Variants in AOPEP observed in about 807,000 individuals in gnomAD.
AOPEP encodes the protein aminopeptidase O (putative), also known as aminopeptidase O.
In AOPEP, 77 loss-of-function variants were observed where a neutral mutation model predicts 98.1. The observed-to-expected ratio is 0.78, with a 90% CI of 0.65 to 0.95. The LOEUF is 0.95. Among genes scored for constraint, AOPEP ranks in the 40% least tolerant of loss-of-function variants. AOPEP has a pLI of 0.00. For synonymous variants in AOPEP, 346 were observed against 365.3 expected (o/e 0.95, Z 0.60); for missense variants, 1,024 against 1,024.7 (o/e 1.00, Z 0.01).
chr9:94,988,188 G>T (rs906204460), intron 11 of AOPEP, among the ~76,000 whole-genome samples: 8 of 152,190 alleles, frequency 5.3e-5, no homozygotes, highest in Non-Finnish European at 1.2e-4. Flanking sequence ...GAGAGGACAT[G>T]CAGTGGGCTG....
intron 13 of AOPEP, among the ~76,000 whole-genome samples, chr9:95,053,707 TTTGTTG>T (rs60251468): frequency 0.79 from 118,327 of 150,732 alleles, 47,803 homozygotes; most frequent in Non-Finnish European, 0.89. Flanking sequence ...TTAATTCATT[TTTGTTG>T]TTGTTGTTGT....
chr9:95,044,941 G>T (rs539004980), intron 13 of AOPEP, among the ~76,000 whole-genome samples: 30 of 152,030 alleles, frequency 2.0e-4, no homozygotes, highest in Non-Finnish European at 3.7e-4. Flanking sequence ...GTCCCTCTCG[G>T]CACACATCTC....
chr9:95,034,212 A>G (rs1219276170), intron 13 of AOPEP, among the ~76,000 whole-genome samples: 2 of 152,206 alleles, frequency 1.3e-5, no homozygotes, highest in African/African-American at 4.8e-5. Flanking sequence ...GCTTGAAGCC[A>G]AGATGTAGGT....
rs1588082234 is a variant in AOPEP, at chr9:94,759,689, C to A, written c.-95C>A. The A allele has an allele frequency of 2.0e-6, 2 of 986,474 alleles. No individual in the cohort carries two copies. The highest frequency in any genetic ancestry group is 2.5e-5 in the East Asian group (1 of 39,334). The allele number at this position is 986,474 out of a possible 1,614,324, so 61.1% of individuals were successfully genotyped here. On this transcript the variant is annotated 5_prime_UTR_variant, in exon 2 of 17. Coordinates refer to ENST00000375315, the MANE Select transcript of AOPEP (RefSeq NM_001193329.3). ...CATAATTTGTGACATCAGTTGTTTT[C>A]TTTGATAAGCAGCTATTTATGATTC...
intron 7 of AOPEP, among the ~76,000 whole-genome samples, chr9:94,954,892 C>T (rs1176858625): frequency 6.6e-6 from 1 of 152,138 alleles, no homozygotes; most frequent in African/African-American, 2.4e-5. Context: ...GGTATACGTT[C>T]TTAGATAATT....
At chr9:94,979,633 C>G in intron 11 of AOPEP, among the ~76,000 whole-genome samples, 1 of 152,162 alleles carries the variant, frequency 6.6e-6, no homozygotes, top group East Asian at 1.9e-4. Flanking sequence ...TTCAAGTGAC[C>G]GTGGTATACG....
chr9:94,974,247 C>T (rs974117184), intron 10 of AOPEP, among the ~76,000 whole-genome samples: 4 of 152,188 alleles, frequency 2.6e-5, no homozygotes, highest in Non-Finnish European at 5.9e-5. Flanking sequence ...ATCTTTCTCT[C>T]ATAATTTAAC....
intron 5 of AOPEP, among the ~76,000 whole-genome samples, chr9:94,892,944 C>A (rs1467344547): frequency 6.6e-6 from 1 of 152,198 alleles, no homozygotes; most frequent in Non-Finnish European, 1.5e-5. Flanking sequence ...CTTCCCACTT[C>A]AGCCTCCCAA....
At chr9:95,090,051 A>T (rs935217153), downstream of AOPEP, among the ~76,000 whole-genome samples, 12 of 152,070 alleles carry the variant, frequency 7.9e-5, no homozygotes, top group African/African-American at 2.7e-4. Context: ...GGGATGGGGG[A>T]GCCCCATGGC....
intron 6 of AOPEP, among the ~76,000 whole-genome samples, chr9:94,925,624 C>T (rs1476363081): frequency 6.6e-6 from 1 of 152,110 alleles, no homozygotes; most frequent in Non-Finnish European, 1.5e-5. Flanking sequence ...TGGACTATAC[C>T]TGCTTTAAAT....
rs373331173 is a variant in AOPEP at position 94,804,378 on chromosome 9, T to A, written c.1364+3376T>A. On this transcript the variant is annotated intron_variant, in intron 5 of 16. Transcript: ENST00000375315. ...GTCCATATATGTTCTTTTTTTTCCT[T>A]GTATTTGAATTTCAAGAATCTCTTG... 2.0e-5 allele frequency among the ~76,000 whole-genome samples: 3 copies of A among 152,308 alleles called. No homozygotes were observed. The East Asian group carries it at 5.8e-4, about 29-fold the overall frequency.
the AOPEP span, among the ~76,000 whole-genome samples, chr9:95,104,110 C>G: frequency 9.7e-3 from 1,470 of 152,266 alleles, 29 homozygotes; most frequent in African/African-American, 0.033. Context: ...CGGCTCTTTC[C>G]AAGGTGCTGT....
chr9:95,135,094 T>G, the AOPEP span, among the ~76,000 whole-genome samples: 3 of 152,214 alleles, frequency 2.0e-5, no homozygotes, highest in Non-Finnish European at 2.9e-5. Context: ...GTTGTGCAAA[T>G]GTCAATTCTT....
intron 13 of AOPEP, among the ~76,000 whole-genome samples, chr9:95,009,884 TG>T (rs1289583268): frequency 6.6e-6 from 1 of 152,018 alleles, no homozygotes; most frequent in Non-Finnish European, 1.5e-5. Context: ...TAGTATCTAG[TG>T]GGCATTTTCA....
chr9:94,890,307 A>G (rs1367484852), intron 5 of AOPEP, among the ~76,000 whole-genome samples: 1 of 151,892 alleles, frequency 6.6e-6, no homozygotes, highest in Non-Finnish European at 1.5e-5. Context: ...GGTTCAAGCA[A>G]TTCTCCTGCC....
chr9:95,072,380 T>C (rs548883940), intron 14 of AOPEP, among the ~76,000 whole-genome samples: 1 of 152,284 alleles, frequency 6.6e-6, no homozygotes, highest in Non-Finnish European at 1.5e-5. Context: ...AAAAAGAGAT[T>C]AGGGGCCAGG....
chr9:95,085,226 T>C, intron 16 of AOPEP: 1 of 496,606 alleles, frequency 2.0e-6, no homozygotes. Context: ...CTCTGGCTGC[T>C]TGGGTTCCTG....
chr9:94,796,863 T>C (rs1387534384), intron 4 of AOPEP, among the ~76,000 whole-genome samples: 1 of 152,258 alleles, frequency 6.6e-6, no homozygotes, highest in Non-Finnish European at 1.5e-5. Flanking sequence ...CTTTGTGTTA[T>C]GTTTCTTTAA....
intron 5 of AOPEP, among the ~76,000 whole-genome samples, chr9:94,838,780 G>A (rs182035011): frequency 1.6e-4 from 24 of 152,076 alleles, no homozygotes; most frequent in Non-Finnish European, 2.5e-4. Context: ...TTATTTAGAG[G>A]TTCTATTGTT....
Sources: gnomAD v4.1 joint callset for allele counts (sites outside exome capture counted in the v4.1 genomes callset) on GRCh38, gnomAD v4.1.1 for gene constraint, MANE v1.5 for transcripts, NCBI Gene and HGNC (gene_info 2026-07-23, HGNC 2026-07-21) for gene names.